BNC2: variants seen among roughly 807,000 people sequenced by gnomAD.
BNC2 encodes the protein zinc finger protein basonuclin-2.
In BNC2, 20 loss-of-function variants were observed where a neutral mutation model predicts 76.3. The ratio of observed to expected loss-of-function variants is 0.26; its 90% CI spans 0.18 to 0.38. The LOEUF is 0.38. Ranked by LOEUF, BNC2 falls within the 10% of genes least tolerant of loss-of-function variation. The probability of loss-of-function intolerance (pLI) is 1.00; values close to 1 mark genes in which losing one functional copy is unlikely to be tolerated. For synonymous variants in BNC2, 582 were observed against 514.8 expected, an observed-to-expected ratio of 1.13 and a Z score of -1.77; for missense variants, 1,382 against 1,399.8, an observed-to-expected ratio of 0.99 and a Z score of 0.20.
chr9:16,629,930 G>A (rs570354765), intron 3 of BNC2, among the ~76,000 whole-genome samples: 10 of 152,210 alleles, frequency 6.6e-5, no homozygotes, highest in African/African-American at 2.4e-4. Flanking sequence ...TAAAATAGAC[G>A]GTTTGCCGCA....
intron 3 of BNC2, among the ~76,000 whole-genome samples, chr9:16,604,568 G>C (rs913024194): frequency 1.3e-5 from 2 of 152,112 alleles, no homozygotes; most frequent in African/African-American, 4.8e-5. Flanking sequence ...ACACTGAGCT[G>C]GGTGGATCAC....
At chr9:16,500,056 C>T (rs1311245560) in intron 5 of BNC2, among the ~76,000 whole-genome samples, 3 of 152,018 alleles carry the variant, frequency 2.0e-5, no homozygotes, top group East Asian at 1.9e-4. Flanking sequence ...AGCCTAGTGG[C>T]CTGCTACTCC....
intron 2 of BNC2, among the ~76,000 whole-genome samples, chr9:16,736,540 A>C (rs1277560749): frequency 6.6e-6 from 1 of 150,756 alleles, no homozygotes; most frequent in African/African-American, 2.4e-5. Context: ...CAGTGGTGCA[A>C]TCTTGGCTCA....
intron 3 of BNC2, among the ~76,000 whole-genome samples, chr9:16,629,350 G>C (rs1229868460): frequency 1.3e-5 from 2 of 152,178 alleles, no homozygotes; most frequent in African/African-American, 2.4e-5. Context: ...ATGGCCAGAA[G>C]ACTCACTACA....
chr9:16,792,599 G>A (rs1817543878), intron 1 of BNC2, among the ~76,000 whole-genome samples: 1 of 152,194 alleles, frequency 6.6e-6, no homozygotes. Context: ...CAAAAGAATA[G>A]TTCAAATACA....
chr9:16,564,810 T>C (rs1204918670), intron 4 of BNC2, among the ~76,000 whole-genome samples: 1 of 152,198 alleles, frequency 6.6e-6, no homozygotes, highest in Admixed American at 6.5e-5. Flanking sequence ...CATGTTAAGA[T>C]GTATCTACAT....
chr9:16,544,272 T>C (rs554036535), intron 5 of BNC2, among the ~76,000 whole-genome samples: 2 of 152,198 alleles, frequency 1.3e-5, no homozygotes, highest in Non-Finnish European at 2.9e-5. Context: ...CCTAAATTAA[T>C]TTATATCTAG....
Position 16,418,899 on chromosome 9 carries a change from A to ACACACACACACACC in BNC2, c.*89_*90insGGTGTGTGTGTGTG, listed in dbSNP as rs113777392. 21 of 1,401,352 alleles carry ACACACACACACACC rather than the reference A, an allele frequency of 1.5e-5. No individual in the cohort carries two copies. Among genetic ancestry groups the ACACACACACACACC allele is most frequent in the South Asian group, 1.0e-4 (9 of 86,002 alleles). 86.8% of individuals were successfully genotyped at this position (1,401,352 alleles called of 1,614,324 possible). A position where few individuals can be genotyped will look rare whatever the true frequency, so the allele number is the denominator to read the frequency against. ...CACACACACACACACACACACACAC[A>ACACACACACACACC]CCCCAAGTACATAAGCGCACACTGA... is the stretch of plus-strand genomic sequence containing the variant. On this transcript the variant is annotated 3_prime_UTR_variant, in exon 7 of 7. Transcript: ENST00000380672.
At chr9:16,869,371 T>A (rs1250090319) in intron 1 of BNC2, among the ~76,000 whole-genome samples, 1 of 151,966 alleles carries the variant, frequency 6.6e-6, no homozygotes, top group African/African-American at 2.4e-5. Context: ...CCACTTTAAT[T>A]TCTGTCAGCG....
At chr9:16,829,936 TCCA>T (rs1346011009) in intron 1 of BNC2, among the ~76,000 whole-genome samples, 1 of 152,204 alleles carries the variant, frequency 6.6e-6, no homozygotes, top group Non-Finnish European at 1.5e-5. Flanking sequence ...TGTGCATGAA[TCCA>T]CCACATTTTA....
At chr9:16,614,441 C>T (rs1194375332) in intron 3 of BNC2, among the ~76,000 whole-genome samples, 2 of 140,820 alleles carry the variant, frequency 1.4e-5, no homozygotes, top group Non-Finnish European at 1.5e-5. Context: ...GCCAACAAAA[C>T]CACTTGGAAA....
intron 1 of BNC2, among the ~76,000 whole-genome samples, chr9:16,759,926 C>T (rs1413652680): frequency 1.3e-5 from 2 of 152,034 alleles, no homozygotes; most frequent in African/African-American, 2.4e-5. Flanking sequence ...GGTTTCACCG[C>T]ATTAGCCAGG....
intron 5 of BNC2, among the ~76,000 whole-genome samples, chr9:16,485,618 C>T (rs1432259829): frequency 6.6e-6 from 1 of 152,148 alleles, no homozygotes; most frequent in Non-Finnish European, 1.5e-5. Context: ...TTAAAAAGCA[C>T]ATTCTAGCCT....
chr9:16,452,114 C>G (rs1009212150), intron 5 of BNC2, among the ~76,000 whole-genome samples: 2 of 152,122 alleles, frequency 1.3e-5, no homozygotes, highest in Non-Finnish European at 2.9e-5. Flanking sequence ...ATTACTAGTA[C>G]GCTAGGGGTG....
chr9:16,422,647 C>CA (rs1820732974), intron 6 of BNC2, among the ~76,000 whole-genome samples: 1 of 152,196 alleles, frequency 6.6e-6, no homozygotes, highest in African/African-American at 2.4e-5. Flanking sequence ...TGTTCACTCT[C>CA]ATGATAGTGG....
intron 1 of BNC2, among the ~76,000 whole-genome samples, chr9:16,739,542 C>T (rs1411895602): frequency 6.6e-6 from 1 of 152,086 alleles, no homozygotes; most frequent in African/African-American, 2.4e-5. Flanking sequence ...TGTAGTGGTG[C>T]ATGCCTGTAG....
At chr9:16,741,191 C>A (rs577266484) in intron 1 of BNC2, among the ~76,000 whole-genome samples, 1 of 152,244 alleles carries the variant, frequency 6.6e-6, no homozygotes, top group Admixed American at 6.5e-5. Context: ...AAATGAAACT[C>A]TGCTATAATC....
intron 3 of BNC2, among the ~76,000 whole-genome samples, chr9:16,647,408 G>C (rs1006470604): frequency 1.3e-5 from 2 of 152,140 alleles, no homozygotes; most frequent in African/African-American, 4.8e-5. Flanking sequence ...AACATCCTTA[G>C]ACAGACTTTG....
rs199518047 is a variant in BNC2, at chr9:16,825,555, T to C, written c.3+45091A>G. 5.3e-5 allele frequency among the ~76,000 whole-genome samples: 8 copies of C among 152,254 alleles called. No individual in the cohort carries two copies. In the East Asian group the frequency reaches 1.2e-3, roughly 22 times the overall value. On this transcript the variant is annotated intron_variant, in intron 1 of 6. Transcript: ENST00000380672. ...CTAAACTGCTTGCTGGCATGTATGC[T>C]GAATTTCAAAATCCCTGAAAAAAGT...
Sources: gnomAD v4.1 joint callset for allele counts (sites outside exome capture counted in the v4.1 genomes callset) on GRCh38, gnomAD v4.1.1 for gene constraint, MANE v1.5 for transcripts, NCBI Gene and HGNC (gene_info 2026-07-23, HGNC 2026-07-21) for gene names.